Variants in SUMF1 observed in about 807,000 individuals in gnomAD.
The protein encoded by SUMF1 is sulfatase modifying factor 1.
In SUMF1, 48 loss-of-function variants were observed where a neutral mutation model predicts 47.6. That is an observed-to-expected ratio of 1.01 (90% CI 0.80 to 1.28). SUMF1 has a LOEUF of 1.28. Among genes scored for constraint, SUMF1 ranks in the 50% most tolerant of loss-of-function variants. The probability of loss-of-function intolerance (pLI) is 0.00; values close to 1 mark genes in which losing one functional copy is unlikely to be tolerated. For synonymous variants in SUMF1, 230 were observed against 192.1 expected, an observed-to-expected ratio of 1.20 and a Z score of -1.63; for missense variants, 571 against 485.4, an observed-to-expected ratio of 1.18 and a Z score of -1.66.
chr3:4,298,005 T>C (rs938106327), intron 8 of SUMF1, among the ~76,000 whole-genome samples: 2 of 152,212 alleles, frequency 1.3e-5, no homozygotes, highest in African/African-American at 4.8e-5. Flanking sequence ...ACTGAACCTA[T>C]GAAATGTCAG....
chr3:4,174,288 G>A (rs548516949), intron 8 of SUMF1, among the ~76,000 whole-genome samples: 12 of 150,498 alleles, frequency 8.0e-5, no homozygotes, highest in East Asian at 3.9e-4. Flanking sequence ...CCCAGGAGGC[G>A]GAGCTTGCAG....
At chr3:4,064,835 A>G (rs1344909458) in intron 9 of SUMF1, among the ~76,000 whole-genome samples, 1 of 152,180 alleles carries the variant, frequency 6.6e-6, no homozygotes, top group Non-Finnish European at 1.5e-5. Flanking sequence ...TTTAATGAAC[A>G]AGTGCTAAAT....
At chr3:4,278,174 T>A (rs760712245) in intron 8 of SUMF1, among the ~76,000 whole-genome samples, 3 of 151,882 alleles carry the variant, frequency 2.0e-5, no homozygotes, top group Admixed American at 2.0e-4. Flanking sequence ...GGATGGCATA[T>A]GAGATCAAAG....
chr3:4,160,284 G>A (rs1254774988), intron 8 of SUMF1, among the ~76,000 whole-genome samples: 1 of 151,954 alleles, frequency 6.6e-6, no homozygotes, highest in Non-Finnish European at 1.5e-5. Context: ...CTGTCACCCA[G>A]GCTGGGGTGC....
chr3:4,229,304 C>G, intron 8 of SUMF1: 1 of 407,126 alleles, frequency 2.5e-6, no homozygotes, highest in Non-Finnish European at 4.9e-6. Context: ...TGTGTATGTT[C>G]CATTCCTGTG....
chr3:4,411,700 A>G (rs1559282395), intron 6 of SUMF1, among the ~76,000 whole-genome samples: 2 of 132,008 alleles, frequency 1.5e-5, no homozygotes, highest in South Asian at 2.3e-4. Flanking sequence ...GGGGGAGAGC[A>G]GGAGGAAAAA....
At chr3:4,330,831 T>C (rs1007249148) in intron 8 of SUMF1, among the ~76,000 whole-genome samples, 2 of 152,346 alleles carry the variant, frequency 1.3e-5, no homozygotes, top group Admixed American at 6.5e-5. Flanking sequence ...TAGTAAAACA[T>C]TGTCAACAAA....
intron 3 of SUMF1, among the ~76,000 whole-genome samples, chr3:4,433,456 C>T (rs1702300156): frequency 6.6e-6 from 1 of 152,148 alleles, no homozygotes; most frequent in Non-Finnish European, 1.5e-5. Context: ...CACACACTGG[C>T]TCCTAAGTCA....
chr3:4,167,846 G>T (rs1049025662), intron 8 of SUMF1, among the ~76,000 whole-genome samples: 2 of 152,212 alleles, frequency 1.3e-5, no homozygotes, highest in Admixed American at 6.5e-5. Flanking sequence ...ACAGGAGGAA[G>T]ATAGAGCAGG....
intron 8 of SUMF1, among the ~76,000 whole-genome samples, chr3:4,254,356 A>C (rs1269991908): frequency 6.6e-6 from 1 of 151,564 alleles, no homozygotes; most frequent in Non-Finnish European, 1.5e-5. Context: ...AAGAAGTTGA[A>C]AACTTTGAAA....
chr3:4,113,802 T>C (rs897065193), intron 8 of SUMF1, among the ~76,000 whole-genome samples: 2 of 152,106 alleles, frequency 1.3e-5, no homozygotes, highest in African/African-American at 4.8e-5. Context: ...ATGACCTTAA[T>C]GTGGGGTAGG....
intron 8 of SUMF1, chr3:4,316,823 C>A (rs1175287726): frequency 6.4e-7 from 1 of 1,550,566 alleles, no homozygotes; most frequent in South Asian, 1.2e-5. Context: ...GTCTGATCCA[C>A]TACAGCTTTC....
chr3:4,222,068 AAAC>A (rs1384333751), intron 8 of SUMF1, among the ~76,000 whole-genome samples: 2 of 152,124 alleles, frequency 1.3e-5, no homozygotes, highest in African/African-American at 2.4e-5. Flanking sequence ...AAAAGTTTCA[AAAC>A]AACAAATATA....
intron 8 of SUMF1, among the ~76,000 whole-genome samples, chr3:4,145,874 C>G (rs188235513): frequency 2.6e-5 from 4 of 152,094 alleles, no homozygotes; most frequent in Admixed American, 2.0e-4. Context: ...CTTTTCCCCC[C>G]GTCTACAGCT....
chr3:4,102,577 T>C (rs1693060893), intron 8 of SUMF1, among the ~76,000 whole-genome samples: 1 of 152,174 alleles, frequency 6.6e-6, no homozygotes, highest in African/African-American at 2.4e-5. Flanking sequence ...AAAGCTTATC[T>C]TACTAAGGTC....
chr3:4,261,905 C>T (rs1439682842), intron 8 of SUMF1, among the ~76,000 whole-genome samples: 1 of 152,184 alleles, frequency 6.6e-6, no homozygotes, highest in Non-Finnish European at 1.5e-5. Flanking sequence ...AAGCAACCTA[C>T]AAGTTATCCT....
chr3:4,396,046 T>C lies in SUMF1; in HGVS notation c.954+14819A>G, dbSNP rs190441987. Among the ~76,000 whole-genome samples, 39 of 152,368 alleles carry C rather than the reference T, an allele frequency of 2.6e-4. No homozygotes were observed. The East Asian group carries it at 4.8e-3, about 19-fold the overall frequency. ...TACTTTAGAGATTGAAAGGTGGAAC[T>C]ATTAACACTTGTGCTAGGCACAGAT... is the stretch of plus-strand genomic sequence containing the variant. On this transcript the variant is annotated intron_variant, in intron 7 of 8. Transcript: ENST00000272902.
intron 9 of SUMF1, among the ~76,000 whole-genome samples, chr3:4,035,420 T>C (rs1315798532): frequency 6.6e-6 from 1 of 152,170 alleles, no homozygotes; most frequent in East Asian, 1.9e-4. Context: ...TTTCTCATCT[T>C]CTCCCTGTTA....
intron 8 of SUMF1, among the ~76,000 whole-genome samples, chr3:4,235,207 T>C (rs1205395942): frequency 6.6e-6 from 1 of 152,128 alleles, no homozygotes; most frequent in African/African-American, 2.4e-5. Flanking sequence ...ACTTTATGAC[T>C]GGCTGGATAA....
Sources: allele counts gnomAD v4.1 joint callset (sites outside exome capture counted in the v4.1 genomes callset), GRCh38; gene constraint gnomAD v4.1.1; transcripts MANE v1.5; gene names NCBI Gene and HGNC (gene_info 2026-07-23, HGNC 2026-07-21).